The following TYW1 variants were observed in gnomAD, a reference collection of about 807,000 sequenced individuals.
The protein encoded by TYW1 is tRNA-yW synthesizing protein 1 homolog, also known as S-adenosyl-L-methionine-dependent tRNA 4-demethylwyosine synthase TYW1.
TYW1 carries 46 observed loss-of-function variants against 96.2 expected under a neutral mutation model. The observed-to-expected ratio is 0.48, with a 90% CI of 0.38 to 0.61. The LOEUF (loss-of-function observed/expected upper bound fraction) is 0.61. TYW1 is among the 20% of genes least tolerant of loss of function. The pLI, the probability that TYW1 is intolerant of heterozygous loss-of-function variation, is 0.00. For missense variants in TYW1, 684 were observed against 909.6 expected (o/e 0.75, Z 3.19); for synonymous variants, 274 against 323.0 (o/e 0.85, Z 1.63).
chr7:66,999,749 G>A (rs941865843), intron 3 of TYW1, among the ~76,000 whole-genome samples: 1 of 152,172 alleles, frequency 6.6e-6, no homozygotes, highest in African/African-American at 2.4e-5. Context: ...CTGATATCTA[G>A]TTGAAAGATG....
At chr7:67,230,951 C>T (rs1202091572) in intron 15 of TYW1, among the ~76,000 whole-genome samples, 1 of 152,054 alleles carries the variant, frequency 6.6e-6, no homozygotes, top group Non-Finnish European at 1.5e-5. Context: ...CTTATTATCT[C>T]TTTACTGTGT....
intron 12 of TYW1, among the ~76,000 whole-genome samples, chr7:67,116,360 A>G (rs917145029): frequency 6.6e-6 from 1 of 151,722 alleles, no homozygotes; most frequent in Non-Finnish European, 1.5e-5. Context: ...AAAGAAAAAA[A>G]GTATAGTCTA....
chr7:67,083,298 A>C, intron 10 of TYW1, 132 bp from the exon 11 acceptor site: 1 of 782,118 alleles, frequency 1.3e-6, no homozygotes, highest in East Asian at 2.6e-5. Context: ...AAATACCACT[A>C]TACATGGTTG....
intron 7 of TYW1, among the ~76,000 whole-genome samples, chr7:67,037,178 T>C (rs182529621): frequency 1.3e-5 from 2 of 152,064 alleles, no homozygotes; most frequent in Admixed American, 6.6e-5. Context: ...TAGCATAAAA[T>C]ATCAGATGTA....
intron 9 of TYW1, among the ~76,000 whole-genome samples, chr7:67,064,142 G>A (rs1795788476): frequency 6.6e-6 from 1 of 152,126 alleles, no homozygotes. Context: ...TGATTCTGTA[G>A]GTTGAATGAA....
At chr7:67,144,237 C>G (rs1273662610) in intron 13 of TYW1, among the ~76,000 whole-genome samples, 2 of 152,038 alleles carry the variant, frequency 1.3e-5, no homozygotes, top group African/African-American at 4.8e-5. Context: ...TTAAGGTCAG[C>G]CTTGAGTAAA....
At chr7:67,060,063 G>A (rs532742013) in intron 9 of TYW1, among the ~76,000 whole-genome samples, 8 of 143,962 alleles carry the variant, frequency 5.6e-5, no homozygotes, top group African/African-American at 1.1e-4. Flanking sequence ...GTGAGCCACC[G>A]TGCCCGGCCC....
rs1195132357 is a variant in TYW1 at position 67,227,075 on chromosome 7, G to A, written c.1978-11233G>A. Among the ~76,000 whole-genome samples the A allele has an allele frequency of 2.6e-5, 4 of 151,954 alleles. No homozygotes were observed. The South Asian group carries it at 6.2e-4, about 24-fold the overall frequency. On this transcript the variant is annotated intron_variant, in intron 15 of 15. Transcript: ENST00000359626. ...TTCTTTTTTATTTTTGTTTTATTCC[G>A]TTTTGTCTATTATATATGGCCTTTG... is the stretch of plus-strand genomic sequence containing the variant.
intron 13 of TYW1, among the ~76,000 whole-genome samples, chr7:67,122,323 G>A (rs1470681722): frequency 6.6e-6 from 1 of 152,130 alleles, no homozygotes; most frequent in East Asian, 1.9e-4. Context: ...CCATTGCTAC[G>A]AGGGGCTTAT....
At chr7:67,237,087 T>C (rs1172632657) in intron 15 of TYW1, among the ~76,000 whole-genome samples, 1 of 152,160 alleles carries the variant, frequency 6.6e-6, no homozygotes, top group Admixed American at 6.5e-5. Flanking sequence ...GGTTTTACCA[T>C]GTTGGCCAAG....
intron 10 of TYW1, among the ~76,000 whole-genome samples, chr7:67,079,194 G>A (rs1245142870): frequency 2.6e-5 from 4 of 151,878 alleles, no homozygotes; most frequent in Non-Finnish European, 5.9e-5. Flanking sequence ...GTGTGTGTGT[G>A]TGTGTGTTTT....
At chr7:67,057,443 C>T (rs1287852233) in intron 9 of TYW1, among the ~76,000 whole-genome samples, 1 of 151,164 alleles carries the variant, frequency 6.6e-6, no homozygotes, top group Non-Finnish European at 1.5e-5. Flanking sequence ...AATCTTGTAT[C>T]ACTGCACCTC....
intron 8 of TYW1, among the ~76,000 whole-genome samples, chr7:67,053,458 C>T (rs1795424674): frequency 6.6e-6 from 1 of 151,048 alleles, no homozygotes; most frequent in Admixed American, 6.6e-5. Context: ...TGGCTCACCA[C>T]ATCCTCCTCC....
At chr7:67,044,586 A>G (rs1795129923) in intron 7 of TYW1, among the ~76,000 whole-genome samples, 1 of 152,148 alleles carries the variant, frequency 6.6e-6, no homozygotes, top group African/African-American at 2.4e-5. Flanking sequence ...CTGTCTAGAA[A>G]AATGACCTCT....
intron 1 of TYW1, among the ~76,000 whole-genome samples, chr7:66,997,560 G>A (rs181756978): frequency 0.013 from 2,004 of 152,050 alleles, 36 homozygotes; most frequent in Middle Eastern, 0.02. Flanking sequence ...TTTTTTCTTT[G>A]AGTTAGTGTT....
chr7:67,084,676 C>G (rs1437155834), intron 11 of TYW1, among the ~76,000 whole-genome samples: 1 of 152,052 alleles, frequency 6.6e-6, no homozygotes, highest in African/African-American at 2.4e-5. Flanking sequence ...GCACGGGCCA[C>G]CACACCTGGC....
At chr7:67,072,400 C>T (rs1460964111) in intron 10 of TYW1, among the ~76,000 whole-genome samples, 1 of 152,032 alleles carries the variant, frequency 6.6e-6, no homozygotes, top group African/African-American at 2.4e-5. Flanking sequence ...GTGCGTGCCA[C>T]CATGCCCTGC....
At chr7:67,084,192 A>C (rs1796470321) in intron 11 of TYW1, among the ~76,000 whole-genome samples, 1 of 152,192 alleles carries the variant, frequency 6.6e-6, no homozygotes, top group African/African-American at 2.4e-5. Flanking sequence ...TGGAAATTTT[A>C]GGTTAGTGGA....
chr7:67,174,123 GTCACATTA>G (rs1206824705), intron 13 of TYW1, among the ~76,000 whole-genome samples: 13 of 149,500 alleles, frequency 8.7e-5, no homozygotes, highest in Non-Finnish European at 1.9e-4. Context: ...TGGGACATTT[GTCACATTA>G]GGACCCCCTT....
Sources: allele counts gnomAD v4.1 joint callset (sites outside exome capture counted in the v4.1 genomes callset), GRCh38; gene constraint gnomAD v4.1.1; transcripts MANE v1.5; gene names NCBI Gene and HGNC (gene_info 2026-07-23, HGNC 2026-07-21).